The following ANKFN1 variants were observed in gnomAD, a reference collection of about 807,000 sequenced individuals.
The protein encoded by ANKFN1 is ankyrin repeat and fibronectin type III domain containing 1.
A neutral mutation model predicts 108.7 loss-of-function variants in ANKFN1; 74 were observed. The ratio of observed to expected loss-of-function variants is 0.68; its 90% confidence interval spans 0.56 to 0.83. The LOEUF is 0.83. Ranked by LOEUF, ANKFN1 falls within the 40% of genes least tolerant of loss-of-function variation. The pLI is 0.00. For missense variants in ANKFN1, 1,505 were observed against 1,382.3 expected, an observed-to-expected ratio of 1.09 and a Z score of -1.41; for synonymous variants, 547 against 516.2, an observed-to-expected ratio of 1.06 and a Z score of -0.81.
At chr17:56,429,629 T>G (rs1374002882) in intron 8 of ANKFN1, among the ~76,000 whole-genome samples, 1 of 152,198 alleles carries the variant, frequency 6.6e-6, no homozygotes, top group Non-Finnish European at 1.5e-5. Flanking sequence ...TAGACTATGT[T>G]GAGGAGTTTA....
intron 8 of ANKFN1, among the ~76,000 whole-genome samples, chr17:56,407,114 CT>C (rs1223751780): frequency 6.6e-6 from 1 of 152,164 alleles, no homozygotes; most frequent in Non-Finnish European, 1.5e-5. Flanking sequence ...CTAATAGTAT[CT>C]GTTTTCAAAC....
chr17:56,311,100 G>A (rs2045009970), intron 3 of ANKFN1, among the ~76,000 whole-genome samples: 1 of 151,286 alleles, frequency 6.6e-6, no homozygotes, highest in Non-Finnish European at 1.5e-5. Flanking sequence ...ACAAATAATA[G>A]AACTTCCTCC....
intron 4 of ANKFN1, among the ~76,000 whole-genome samples, chr17:56,136,255 T>G (rs1161394663): frequency 1.3e-5 from 2 of 152,072 alleles, no homozygotes; most frequent in Non-Finnish European, 2.9e-5. Flanking sequence ...GGCCCAGAGA[T>G]CCCAGTGTTC....
In ANKFN1 at chr17:56,368,312, C is replaced by T. The variant is rs2046718584; in HGVS notation, c.602-4334C>T. ...TTTTTTTTTTTGAGAAGGAGTCTCG[C>T]TCCGTCTCCCAGGCTGGAGTGCAGT... On this transcript the variant is annotated intron_variant, in intron 6 of 20. Coordinates refer to ENST00000682825, the MANE Select transcript of ANKFN1 (RefSeq NM_001370326.1). 2.1e-5 allele frequency: 3 copies of T among 140,162 alleles called. No homozygotes were observed. In the South Asian group the frequency reaches 3.8e-4, roughly 18 times the overall value. 8.7% of individuals were successfully genotyped at this position (140,162 alleles called of 1,614,324 possible).
chr17:56,406,368 G>A (rs1362214993), intron 8 of ANKFN1, among the ~76,000 whole-genome samples: 2 of 152,136 alleles, frequency 1.3e-5, no homozygotes, highest in African/African-American at 2.4e-5. Context: ...CTTTCAGGGA[G>A]GAAGAAAAAT....
chr17:56,091,065 T>C (rs1341473354), intron 4 of ANKFN1, among the ~76,000 whole-genome samples: 2 of 151,268 alleles, frequency 1.3e-5, no homozygotes, highest in Non-Finnish European at 3.0e-5. Flanking sequence ...TATTTATTCT[T>C]GTTTTCCTCC....
chr17:56,495,534 T>C (rs8082149), intron 19 of ANKFN1, among the ~76,000 whole-genome samples: 78,747 of 152,008 alleles, frequency 0.52, 24,840 homozygotes, highest in East Asian at 0.87. Flanking sequence ...AGGGAGTCTA[T>C]GTAAATACAG....
intron 4 of ANKFN1, among the ~76,000 whole-genome samples, chr17:56,065,617 A>T (rs944736124): frequency 2.0e-5 from 3 of 152,312 alleles, no homozygotes; most frequent in African/African-American, 7.2e-5. Context: ...TAATTTCAAT[A>T]TTGTTGTGTC....
chr17:56,100,223 G>GC (rs1399317486), intron 4 of ANKFN1, among the ~76,000 whole-genome samples: 1 of 152,220 alleles, frequency 6.6e-6, no homozygotes, highest in Non-Finnish European at 1.5e-5. Flanking sequence ...CATCTTCTCT[G>GC]CAAGGAAGTT....
chr17:56,256,507 T>C (rs2043360969), intron 3 of ANKFN1, among the ~76,000 whole-genome samples: 1 of 152,160 alleles, frequency 6.6e-6, no homozygotes, highest in African/African-American at 2.4e-5. Context: ...TCTCACATTT[T>C]GAAGGTGTAA....
Position 56,511,058 on chromosome 17 carries a change from A to AC in ANKFN1, c.3231dup (p.Ser1078GlnfsTer140). The AC allele has an allele frequency of 6.5e-7, 1 of 1,536,002 alleles. No homozygotes were observed. The highest frequency in any genetic ancestry group is 8.7e-7 in the Non-Finnish European group (1 of 1,146,874). On this transcript the variant is annotated frameshift_variant, in exon 21 of 21. Coordinates refer to ENST00000682825, the MANE Select transcript of ANKFN1 (RefSeq NM_001370326.1). LOFTEE classifies it low-confidence loss of function (END_TRUNC). ...GCTGCCAGCCTTCCTGAGGAGCGGA[A>AC]CAGCAGTCTCCAGGACGCGAGGCCT...
At chr17:56,264,721 A>G (rs2043605452) in intron 3 of ANKFN1, among the ~76,000 whole-genome samples, 1 of 152,128 alleles carries the variant, frequency 6.6e-6, no homozygotes, top group Non-Finnish European at 1.5e-5. Flanking sequence ...CCACTTTCTG[A>G]CCTTAGAAAA....
At chr17:56,275,660 C>G (rs1017269594) in intron 3 of ANKFN1, among the ~76,000 whole-genome samples, 1 of 152,078 alleles carries the variant, frequency 6.6e-6, no homozygotes, top group Non-Finnish European at 1.5e-5. Flanking sequence ...GGGCAGATGA[C>G]CCCCAAATTG....
chr17:56,062,896 C>T (rs1418104314), intron 4 of ANKFN1, among the ~76,000 whole-genome samples: 1 of 152,086 alleles, frequency 6.6e-6, no homozygotes, highest in African/African-American at 2.4e-5. Context: ...GTGCTTCTTT[C>T]AGGAGCTCTT....
At chr17:56,369,846 T>G (rs1285634113) in intron 6 of ANKFN1, among the ~76,000 whole-genome samples, 5 of 152,234 alleles carry the variant, frequency 3.3e-5, no homozygotes, top group African/African-American at 1.2e-4. Flanking sequence ...CAATTACTTT[T>G]AACAACAGAT....
rs184436288 is a variant in ANKFN1 at position 56,108,145 on chromosome 17, C to T, written c.288+61820C>T. Among the ~76,000 whole-genome samples, 24 of 152,356 alleles carry T rather than the reference C, an allele frequency of 1.6e-4. No homozygotes were observed. In the Middle Eastern group the frequency reaches 0.01, roughly 65 times the overall value. On this transcript the variant is annotated intron_variant, in intron 4 of 12. Transcript: ENST00000635860. ...CTGCCTCCCAGGTTCAAGTGATTCT[C>T]CTGCCTCAGCCTCCTGAGTGGCTGG... is the stretch of plus-strand genomic sequence containing the variant.
At chr17:56,462,788 C>T (rs1393572649) in intron 14 of ANKFN1, among the ~76,000 whole-genome samples, 1 of 152,134 alleles carries the variant, frequency 6.6e-6, no homozygotes, top group East Asian at 1.9e-4. Flanking sequence ...AAAGTCATCC[C>T]TCTGCTACCA....
intron 8 of ANKFN1, among the ~76,000 whole-genome samples, chr17:56,423,108 T>C (rs2048461506): frequency 6.6e-6 from 1 of 152,184 alleles, no homozygotes; most frequent in Non-Finnish European, 1.5e-5. Context: ...AGTGTAGATA[T>C]GTCACTATTC....
chr17:56,228,640 T>C (rs995687862), intron 3 of ANKFN1: 1 of 152,030 alleles, frequency 6.6e-6, no homozygotes, highest in African/African-American at 2.4e-5. Context: ...AAAGAAAGTT[T>C]CATATGTCTC....
Sources: allele counts gnomAD v4.1 joint callset (sites outside exome capture counted in the v4.1 genomes callset), GRCh38; gene constraint gnomAD v4.1.1; transcripts MANE v1.5; gene names NCBI Gene and HGNC (gene_info 2026-07-23, HGNC 2026-07-21).